Variants in KCNK17 observed in about 807,000 individuals in gnomAD.
KCNK17 encodes the protein potassium channel subfamily K member 17.
A neutral mutation model predicts 24.6 loss-of-function variants in KCNK17; 27 were observed. The observed-to-expected ratio is 1.10, with a 90% CI of 0.81 to 1.51. The LOEUF is 1.51. Among genes scored for constraint, KCNK17 ranks in the 40% most tolerant of loss-of-function variants. KCNK17 has a pLI of 0.00. For missense variants in KCNK17, 450 were observed against 436.6 expected (o/e 1.03, Z -0.27); for synonymous variants, 181 against 189.8 (o/e 0.95, Z 0.38).
At chr6:39,309,719 C>T (rs139194671) in intron 2 of KCNK17, among the ~76,000 whole-genome samples, 388 of 152,296 alleles carry the variant, frequency 2.5e-3, no homozygotes, top group African/African-American at 9.2e-3. Flanking sequence ...TCTCCTGCTA[C>T]CCTGGAACTC....
chr6:39,302,079 A>ATCCCCTGCAGG (rs1326431025), intron 4 of KCNK17, among the ~76,000 whole-genome samples: 1 of 152,212 alleles, frequency 6.6e-6, no homozygotes, highest in African/African-American at 2.4e-5. Flanking sequence ...TATAAGGAAG[A>ATCCCCTGCAGG]TCCCCTGCAG....
intron 4 of KCNK17, chr6:39,300,639 C>A (rs895726399): frequency 5.6e-6 from 6 of 1,062,634 alleles, no homozygotes; most frequent in Non-Finnish European, 8.3e-6. Context: ...TACGACTGCG[C>A]CCCCTTGGCT....
At chr6:39,304,462 A>T in intron 3 of KCNK17, 33 bp downstream of exon 3, 2 of 1,579,660 alleles carry the variant, frequency 1.3e-6, no homozygotes, top group Non-Finnish European at 1.7e-6. Flanking sequence ...TCTAGAAGTG[A>T]CCCATCCCCA....
At chr6:39,311,182 G>A (rs1317677717) in intron 1 of KCNK17, among the ~76,000 whole-genome samples, 175 bp from the exon 2 acceptor site, 1 of 151,756 alleles carries the variant, frequency 6.6e-6, no homozygotes, top group Non-Finnish European at 1.5e-5. Context: ...AGGGCAAGGA[G>A]GCTCTACCCC....
At position 39,314,095 on chromosome 6, in the gene KCNK17, A is replaced by G. The variant is rs1762216451; in HGVS notation, c.226T>C (p.Ser76Pro). ...FTCLDRPALD[S>P]LIRDVVQAYK... Reference sequence around the variant, plus strand: ...CGCTCGCCCCTGACCCGGATCAGCGAGTCCAGCGCCGGGCGGTCCAGACAC... The same window carrying G: ...CGCTCGCCCCTGACCCGGATCAGCGGGTCCAGCGCCGGGCGGTCCAGACAC... Residue 76 changes from serine (S) to proline (P), a missense_variant, in exon 1 of 5, where the codon TCG (serine) becomes CCG (proline). Physicochemically the swap from Ser to Pro is moderately conservative, Grantham distance 74. Coordinates refer to ENST00000373231, the MANE Select transcript of KCNK17 (RefSeq NM_031460.4). 1 of 1,582,212 alleles carries G rather than the reference A, an allele frequency of 6.3e-7. No homozygotes were observed. The highest frequency in any genetic ancestry group is 8.6e-7 in the Non-Finnish European group (1 of 1,164,902).
chr6:39,301,594 G>T (rs775759710), intron 4 of KCNK17, among the ~76,000 whole-genome samples: 1 of 152,272 alleles, frequency 6.6e-6, no homozygotes, highest in Non-Finnish European at 1.5e-5. Context: ...CCTGGTGACA[G>T]AGGGGAGGAG....
In KCNK17 at chr6:39,310,918, AAAG is replaced by A. The variant is rs540653476; in HGVS notation, c.324_326del (p.Phe109del). 11,203 of 1,606,878 alleles carry A rather than the reference AAAG, an allele frequency of 7.0e-3. 56 individuals carry two copies. The highest frequency in any genetic ancestry group is 0.015 in the South Asian group (1,395 of 90,726). Reference sequence around the variant, plus strand: ...CAATGGTGGTGATGGTGGACACAGAAAAGAAGAAGGAGCCCACGAGCTCCCAGC... The same window carrying A: ...CAATGGTGGTGATGGTGGACACAGAAAAGAAGGAGCCCACGAGCTCCCAGC... On this transcript the variant is annotated inframe_deletion, in exon 2 of 5. Coordinates refer to ENST00000373231, the MANE Select transcript of KCNK17 (RefSeq NM_031460.4).
intron 2 of KCNK17, among the ~76,000 whole-genome samples, chr6:39,308,050 A>G (rs950375628): frequency 1.3e-5 from 2 of 152,088 alleles, no homozygotes; most frequent in Non-Finnish European, 2.9e-5. Context: ...CCCACCTACA[A>G]TAGGTGCCCC....
chr6:39,308,266 A>G (rs950304818), intron 2 of KCNK17, among the ~76,000 whole-genome samples: 16 of 152,204 alleles, frequency 1.1e-4, no homozygotes, highest in African/African-American at 3.9e-4. Context: ...GTGTACATAC[A>G]CACACCAAGG....
At chr6:39,310,753 G>A (rs1488281159) in intron 2 of KCNK17, 140 bp downstream of exon 2, 19 of 589,890 alleles carry the variant, frequency 3.2e-5, no homozygotes, top group East Asian at 2.3e-4. Context: ...GCTCCCAGGC[G>A]GTGTCCATGC....
At chr6:39,305,279 G>A (rs1762015778) in intron 2 of KCNK17, among the ~76,000 whole-genome samples, 1 of 152,206 alleles carries the variant, frequency 6.6e-6, no homozygotes, top group South Asian at 2.1e-4. Context: ...ATAGGTATCA[G>A]GCCTGCTTGC....
Position 39,299,080 on chromosome 6 carries a change from GATCATCAGA to G in KCNK17, c.*338_*346del. The G allele has an allele frequency of 3.7e-6, 1 of 273,838 alleles. No individual in the cohort carries two copies. The highest frequency in any genetic ancestry group is 2.2e-5 in the African/African-American group (1 of 46,444). 17.0% of individuals were successfully genotyped at this position (273,838 alleles called of 1,614,324 possible). A position where few individuals can be genotyped will look rare whatever the true frequency, so the allele number is the denominator to read the frequency against. ...ATTCCGTTTGTTAGGATGGCTCTGT[GATCATCAGA>G]GATCCAGACTCTTCCTATCTTATTG... On this transcript the variant is annotated 3_prime_UTR_variant, in exon 5 of 5. Coordinates refer to ENST00000373231, the MANE Select transcript of KCNK17 (RefSeq NM_031460.4).
At chr6:39,308,644 G>A (rs1166641965) in intron 2 of KCNK17, among the ~76,000 whole-genome samples, 1 of 152,240 alleles carries the variant, frequency 6.6e-6, no homozygotes, top group Non-Finnish European at 1.5e-5. Context: ...CAATGAGCAA[G>A]CCAGGAATGG....
intron 1 of KCNK17, 65 bp from the exon 2 acceptor site, chr6:39,311,072 GCACACACACACA>G (rs59086835): frequency 1.0e-3 from 543 of 518,650 alleles, no homozygotes; most frequent in African/African-American, 4.2e-3. Context: ...ACCCCAAGAT[GCACACACACACA>G]CACACACACA....
rs537509989 is a variant in KCNK17 at position 39,304,675 on chromosome 6, T to G, written c.353-20A>C. The G allele has an allele frequency of 6.2e-7, 1 of 1,602,140 alleles. No homozygotes were observed. Among genetic ancestry groups the G allele is most frequent in the South Asian group, 1.1e-5 (1 of 90,744 alleles). ...CATAGCCTGAGGTGAGAGGGGGCAC[T>G]CAGGGGACATTTCCAGCCCAGCCCT... On this transcript the variant is annotated intron_variant, in intron 2 of 4. Transcript: ENST00000373231.
chr6:39,311,131 C>A (rs1762131871), intron 1 of KCNK17, 124 bp from the exon 2 acceptor site: 2 of 598,658 alleles, frequency 3.3e-6, no homozygotes, highest in East Asian at 5.8e-5. Context: ...AACAAACCTA[C>A]ACACACAGCC....
intron 2 of KCNK17, among the ~76,000 whole-genome samples, chr6:39,305,882 T>C (rs531216197): frequency 6.6e-6 from 1 of 152,242 alleles, no homozygotes; most frequent in Non-Finnish European, 1.5e-5. Context: ...CACATAAATA[T>C]AAATGACCCT....
rs1761894841 is a variant in KCNK17, at chr6:39,299,053, A to T, written c.*374T>A. ...TCTCTCACATAAAGGAGGTCGGGTG[A>T]TATTCCGTTTGTTAGGATGGCTCTG... is the stretch of plus-strand genomic sequence containing the variant. On this transcript the variant is annotated 3_prime_UTR_variant, in exon 5 of 5. Coordinates refer to ENST00000373231, the MANE Select transcript of KCNK17 (RefSeq NM_031460.4). 1 of 213,880 alleles carries T rather than the reference A, an allele frequency of 4.7e-6. No individual in the cohort carries two copies. Among genetic ancestry groups the T allele is most frequent in the Admixed American group, 5.1e-5 (1 of 19,472 alleles). The allele number at this position is 213,880 out of a possible 1,614,324, so 13.2% of individuals were successfully genotyped here. A position where few individuals can be genotyped will look rare whatever the true frequency, so the allele number is the denominator to read the frequency against.
At chr6:39,306,661 C>T (rs1414461820) in intron 2 of KCNK17, among the ~76,000 whole-genome samples, 2 of 152,050 alleles carry the variant, frequency 1.3e-5, no homozygotes, top group Admixed American at 1.3e-4. Flanking sequence ...TGTACAAGTA[C>T]AGAGCATGTG....
Sources: allele counts gnomAD v4.1 joint callset (sites outside exome capture counted in the v4.1 genomes callset), GRCh38; gene constraint gnomAD v4.1.1; transcripts MANE v1.5; gene names NCBI Gene and HGNC (gene_info 2026-07-23, HGNC 2026-07-21).